KCNQ3: variants seen among roughly 807,000 people sequenced by gnomAD.
The protein encoded by KCNQ3 is potassium voltage-gated channel subfamily KQT member 3.
In KCNQ3, 30 loss-of-function variants were observed where a neutral mutation model predicts 92.5. That is an observed-to-expected ratio of 0.32 (90% CI 0.24 to 0.44). The LOEUF is 0.44. KCNQ3 is among the 20% of genes least tolerant of loss of function. The pLI is 1.00. For missense variants in KCNQ3, 913 were observed against 1,140.3 expected (o/e 0.80, Z 2.87); for synonymous variants, 450 against 468.8 (o/e 0.96, Z 0.52).
At chr8:132,246,519 G>A (rs78938039) in intron 1 of KCNQ3, among the ~76,000 whole-genome samples, 8,657 of 152,258 alleles carry the variant, frequency 0.057, 355 homozygotes, top group African/African-American at 0.12. Context: ...TAGCAAGAGA[G>A]GAGCAATTTA....
At position 132,127,773 on chromosome 8, in the gene KCNQ3, T is replaced by TAACA. The variant is rs1554620997; in HGVS notation, c.*1485_*1488dup. On this transcript the variant is annotated 3_prime_UTR_variant, in exon 15 of 15. Coordinates refer to ENST00000388996, the MANE Select transcript of KCNQ3 (RefSeq NM_004519.4). ...TTTTCCATCAAAGTTTTTCAGAGAA[T>TAACA]AACAACATCTCATAAGAGGCCAGAG... The TAACA allele has an allele frequency of 1.3e-5, 2 of 152,244 alleles. No homozygotes were observed. Among genetic ancestry groups the TAACA allele is most frequent in the African/African-American group, 4.8e-5 (2 of 41,472 alleles). 9.4% of individuals were successfully genotyped at this position (152,244 alleles called of 1,614,324 possible).
intron 1 of KCNQ3, 101 bp downstream of exon 1, chr8:132,480,046 T>A (rs1240167342): frequency 1.4e-5 from 16 of 1,175,156 alleles, no homozygotes; most frequent in Non-Finnish European, 1.8e-5. Flanking sequence ...CGGGAAAGCA[T>A]CCATGGGTCT....
At chr8:132,158,049 G>A (rs1024794858) in intron 9 of KCNQ3, among the ~76,000 whole-genome samples, 13 of 152,140 alleles carry the variant, frequency 8.5e-5, no homozygotes, top group African/African-American at 2.9e-4. Context: ...CTGAGACTAA[G>A]TCTTCAGGAC....
intron 1 of KCNQ3, among the ~76,000 whole-genome samples, chr8:132,237,068 C>G (rs1043092195): frequency 6.6e-6 from 1 of 152,194 alleles, no homozygotes; most frequent in Non-Finnish European, 1.5e-5. Context: ...TAGGACCCTG[C>G]ACAGAGAATC....
chr8:132,155,205 C>A (rs921250931), intron 9 of KCNQ3, among the ~76,000 whole-genome samples: 2 of 152,106 alleles, frequency 1.3e-5, no homozygotes, highest in African/African-American at 4.8e-5. Context: ...GGGCCTTTCC[C>A]GTTAGGATAT....
chr8:132,251,319 C>T (rs1347382011), intron 1 of KCNQ3, among the ~76,000 whole-genome samples: 1 of 152,126 alleles, frequency 6.6e-6, no homozygotes, highest in Non-Finnish European at 1.5e-5. Flanking sequence ...CTTCATTGAA[C>T]TGCAAGAAGG....
rs573087921 is a variant in KCNQ3, at chr8:132,386,610, T to C, written c.386+93537A>G. 7.9e-5 allele frequency among the ~76,000 whole-genome samples: 12 copies of C among 152,284 alleles called. No individual in the cohort carries two copies. In the East Asian group the frequency reaches 2.1e-3, roughly 27 times the overall value. On this transcript the variant is annotated intron_variant, in intron 1 of 14. Transcript: ENST00000388996. ...TCACCATTAAGTAAGATATTTCCTA[T>C]TGGTTTCAAATAATTCTTACCATAT...
chr8:132,278,399 C>T (rs750525773), intron 1 of KCNQ3, among the ~76,000 whole-genome samples: 12 of 152,234 alleles, frequency 7.9e-5, no homozygotes, highest in Non-Finnish European at 1.0e-4. Context: ...TGCGTCGACA[C>T]ATGCTTCCTG....
intron 1 of KCNQ3, among the ~76,000 whole-genome samples, chr8:132,401,995 T>A (rs943337606): frequency 8.6e-5 from 13 of 151,970 alleles, no homozygotes; most frequent in Admixed American, 7.9e-4. Context: ...CCAAAGCAAA[T>A]CCCTGGGGAA....
At chr8:132,319,092 G>T (rs1817824933) in intron 1 of KCNQ3, among the ~76,000 whole-genome samples, 1 of 152,218 alleles carries the variant, frequency 6.6e-6, no homozygotes, top group South Asian at 2.1e-4. Context: ...CAGAACTTGG[G>T]AAAAGTAAGT....
intron 1 of KCNQ3, among the ~76,000 whole-genome samples, chr8:132,464,618 T>A (rs1822130784): frequency 6.6e-6 from 1 of 152,224 alleles, no homozygotes; most frequent in South Asian, 2.1e-4. Flanking sequence ...GGATTCTTCA[T>A]GGTCAAGGCT....
chr8:132,383,758 G>C (rs1464692415), intron 1 of KCNQ3, among the ~76,000 whole-genome samples: 1 of 152,160 alleles, frequency 6.6e-6, no homozygotes, highest in African/African-American at 2.4e-5. Flanking sequence ...GATGGAAAAG[G>C]AACCTATCTG....
chr8:132,288,929 T>C (rs568814315), intron 1 of KCNQ3, among the ~76,000 whole-genome samples: 2 of 152,282 alleles, frequency 1.3e-5, no homozygotes, highest in South Asian at 4.1e-4. Context: ...TGCTATCAGA[T>C]GGCAAGGCCT....
intron 1 of KCNQ3, among the ~76,000 whole-genome samples, chr8:132,194,359 A>G (rs1586819595): frequency 6.6e-6 from 1 of 152,314 alleles, no homozygotes; most frequent in African/African-American, 2.4e-5. Flanking sequence ...TCAATTGAAA[A>G]GCCTCAGATG....
intron 1 of KCNQ3, among the ~76,000 whole-genome samples, chr8:132,235,425 C>T (rs1399291433): frequency 6.6e-6 from 1 of 152,136 alleles, no homozygotes; most frequent in East Asian, 1.9e-4. Flanking sequence ...ATTGCTTGAA[C>T]CTGGGAGGGA....
chr8:132,129,409 C>G lies in KCNQ3; in HGVS notation c.2472G>C (p.Ser824=), dbSNP rs774287489. The G allele has an allele frequency of 1.7e-5, 27 of 1,614,100 alleles. No homozygotes were observed. The highest frequency in any genetic ancestry group is 1.6e-4 in the Middle Eastern group (1 of 6,084). ...DDYVFGPNGG[S]SWMREKRYLA... ...GGTACCGCTTCTCCCTCATCCAGCT[C>G]GACCCCCCATTGGGGCCGAACACAT... The change falls in exon 15 of 15, where the codon TCG becomes TCC. Residue 824 remains serine (S), a synonymous_variant. Coordinates refer to ENST00000388996, the MANE Select transcript of KCNQ3 (RefSeq NM_004519.4). This position sits in a 1 kb window ranked among gnomAD's most constrained non-coding sequence, Gnocchi z 5.9.
At chr8:132,286,629 A>G (rs1816686070) in intron 1 of KCNQ3, among the ~76,000 whole-genome samples, 1 of 152,184 alleles carries the variant, frequency 6.6e-6, no homozygotes. Context: ...TTTTGAGGCT[A>G]CTGGGATGGA....
intron 1 of KCNQ3, among the ~76,000 whole-genome samples, chr8:132,339,930 T>C (rs375927776): frequency 4.6e-5 from 7 of 151,692 alleles, no homozygotes; most frequent in East Asian, 3.9e-4. Flanking sequence ...GTAAAGAAAT[T>C]TACTCTTCTG....
chr8:132,459,024 G>A (rs1822004196), intron 1 of KCNQ3, among the ~76,000 whole-genome samples: 1 of 152,132 alleles, frequency 6.6e-6, no homozygotes, highest in Admixed American at 6.6e-5. Context: ...TCTCTTGGCT[G>A]TGATAGTTTC....
Sources: gnomAD v4.1 joint callset for allele counts (sites outside exome capture counted in the v4.1 genomes callset) on GRCh38, gnomAD v4.1.1 for gene constraint, Gnocchi (gnomAD v3.1) non-coding constraint, MANE v1.5 for transcripts, NCBI Gene and HGNC (gene_info 2026-07-23, HGNC 2026-07-21) for gene names.